The following DLEU7 variants were observed in gnomAD, a reference collection of about 807,000 sequenced individuals.
The protein encoded by DLEU7 is deleted in lymphocytic leukemia 7, also known as leukemia-associated protein 7.
Under a neutral mutation model 16.0 loss-of-function variants are expected in DLEU7, and 17 were observed. The observed-to-expected ratio is 1.06, with a 90% CI of 0.73 to 1.59. The LOEUF is 1.59. DLEU7 is among the 40% of genes most tolerant of loss of function. The pLI, the probability that DLEU7 is intolerant of heterozygous loss-of-function variation, is 0.00. For synonymous variants in DLEU7, 113 were observed against 139.8 expected (o/e 0.81, Z 1.35); for missense variants, 308 against 314.9 (o/e 0.98, Z 0.17).
At chr13:50,717,563 C>T (rs1873472764) in intron 1 of DLEU7, among the ~76,000 whole-genome samples, 1 of 149,698 alleles carries the variant, frequency 6.7e-6, no homozygotes, top group African/African-American at 2.4e-5. Context: ...CGTGAAGTCT[C>T]ATTAGCTAGG....
intron 1 of DLEU7, among the ~76,000 whole-genome samples, chr13:50,748,500 C>T (rs1566237388): frequency 6.6e-6 from 1 of 152,130 alleles, no homozygotes; most frequent in East Asian, 1.9e-4. Context: ...AATAGAGTCT[C>T]TAATTTTTTT....
At chr13:50,755,174 T>C (rs926182452) in intron 1 of DLEU7, among the ~76,000 whole-genome samples, 1 of 152,212 alleles carries the variant, frequency 6.6e-6, no homozygotes, top group South Asian at 2.1e-4. Flanking sequence ...GTGTAGGTGA[T>C]GATCTTTTTG....
intron 1 of DLEU7, among the ~76,000 whole-genome samples, chr13:50,720,862 GA>G (rs887960882): frequency 7.9e-5 from 12 of 151,608 alleles, no homozygotes; most frequent in African/African-American, 2.7e-4. Flanking sequence ...AGCCCTAAAG[GA>G]AAAAAAATGT....
At chr13:50,719,480 C>T (rs892321934) in intron 1 of DLEU7, among the ~76,000 whole-genome samples, 3 of 152,126 alleles carry the variant, frequency 2.0e-5, no homozygotes, top group East Asian at 1.9e-4. Context: ...ATAAAAACTC[C>T]GTACCTCAAA....
intron 1 of DLEU7, among the ~76,000 whole-genome samples, chr13:50,839,058 G>A (rs1414611830): frequency 1.3e-5 from 2 of 152,200 alleles, no homozygotes. Flanking sequence ...GAGCTGCCAG[G>A]CTACGATGTG....
chr13:50,813,765 G>T (rs1876640757), intron 1 of DLEU7, among the ~76,000 whole-genome samples: 1 of 152,000 alleles, frequency 6.6e-6, no homozygotes, highest in African/African-American at 2.4e-5. Context: ...TCACCTGATA[G>T]ATCAAATAAG....
intron 1 of DLEU7, chr13:50,715,453 A>G (rs1470738209): frequency 6.6e-6 from 1 of 152,402 alleles, no homozygotes; most frequent in East Asian, 1.9e-4. Flanking sequence ...GAGAAGCTAG[A>G]CAGAGCAGCC....
chr13:50,760,411 G>C (rs929522286), intron 1 of DLEU7, among the ~76,000 whole-genome samples: 16 of 152,298 alleles, frequency 1.1e-4, no homozygotes, highest in African/African-American at 3.8e-4. Context: ...GCCCAGGCTG[G>C]AGTTCACTGG....
chr13:50,715,171 G>A (rs994192998), intron 1 of DLEU7, among the ~76,000 whole-genome samples: 2 of 152,178 alleles, frequency 1.3e-5, no homozygotes, highest in Non-Finnish European at 2.9e-5. Flanking sequence ...GAGTGTGAGT[G>A]TGTGGAATCC....
intron 1 of DLEU7, among the ~76,000 whole-genome samples, chr13:50,730,858 A>G (rs935728101): frequency 3.3e-5 from 5 of 152,114 alleles, no homozygotes; most frequent in Non-Finnish European, 7.4e-5. Context: ...AGGTAGGAGA[A>G]TAAATAGAGT....
intron 1 of DLEU7, among the ~76,000 whole-genome samples, chr13:50,784,141 T>G (rs9568475): frequency 6.6e-6 from 1 of 152,218 alleles, no homozygotes. Flanking sequence ...TTGAAGTGCT[T>G]TGGAAGCACT....
intron 1 of DLEU7, among the ~76,000 whole-genome samples, chr13:50,772,281 G>C (rs1272881818): frequency 1.3e-5 from 2 of 152,080 alleles, no homozygotes; most frequent in Non-Finnish European, 2.9e-5. Context: ...GGTTAATATT[G>C]TTATGTGTGA....
intron 1 of DLEU7, among the ~76,000 whole-genome samples, chr13:50,794,979 C>G (rs542696016): frequency 6.6e-6 from 1 of 151,706 alleles, no homozygotes; most frequent in East Asian, 1.9e-4. Flanking sequence ...AACAAAATTA[C>G]TTGGTGACGG....
At chr13:50,757,845 C>T (rs1874808662) in intron 1 of DLEU7, among the ~76,000 whole-genome samples, 1 of 152,190 alleles carries the variant, frequency 6.6e-6, no homozygotes, top group Admixed American at 6.5e-5. Flanking sequence ...GGCTAACCAG[C>T]TGCTGAGGAG....
chr13:50,723,668 A>G (rs183812719), intron 1 of DLEU7, among the ~76,000 whole-genome samples: 101 of 151,998 alleles, frequency 6.6e-4, no homozygotes, highest in African/African-American at 2.2e-3. Context: ...GTCTTTTTTT[A>G]TAAGGGCACT....
rs983182268 is a variant in DLEU7, at chr13:50,823,002, A to C, written c.*312T>G. Reference sequence around the variant, plus strand: ...ATACAAATTAAGGTATCATTCAATAAAAACTAATAATATGAATAAATATAT... The same window carrying C: ...ATACAAATTAAGGTATCATTCAATACAAACTAATAATATGAATAAATATAT... On this transcript the variant is annotated 3_prime_UTR_variant, in exon 2 of 2. Coordinates refer to ENST00000504404, the MANE Select transcript of DLEU7 (RefSeq NM_001306135.2). 10 of 918,316 alleles carry C rather than the reference A, an allele frequency of 1.1e-5. No homozygotes were observed. Among genetic ancestry groups the C allele is most frequent in the Non-Finnish European group, 1.3e-5 (10 of 753,706 alleles). 56.9% of individuals were successfully genotyped at this position (918,316 alleles called of 1,614,324 possible). A position where few individuals can be genotyped will look rare whatever the true frequency, so the allele number is the denominator to read the frequency against.
chr13:50,828,309 G>A (rs1417997521), intron 1 of DLEU7, among the ~76,000 whole-genome samples: 1 of 152,106 alleles, frequency 6.6e-6, no homozygotes, highest in African/African-American at 2.4e-5. Context: ...ACAAATATCA[G>A]AAAGACTCTA....
intron 1 of DLEU7, among the ~76,000 whole-genome samples, chr13:50,812,753 C>CATATAGCTATATAT (rs1876607169): frequency 6.6e-6 from 1 of 151,574 alleles, no homozygotes; most frequent in Non-Finnish European, 1.5e-5. Flanking sequence ...TAGCTATATA[C>CATATAGCTATATAT]GTATAAATCC....
chr13:50,720,484 A>C (rs1161709650), intron 1 of DLEU7, among the ~76,000 whole-genome samples: 1 of 152,170 alleles, frequency 6.6e-6, no homozygotes, highest in African/African-American at 2.4e-5. Context: ...GCACCACTAA[A>C]CTGCAACATG....
Sources: allele counts gnomAD v4.1 joint callset (sites outside exome capture counted in the v4.1 genomes callset), GRCh38; gene constraint gnomAD v4.1.1; transcripts MANE v1.5; gene names NCBI Gene and HGNC (gene_info 2026-07-23, HGNC 2026-07-21).